The following SNX11 variants were observed in gnomAD, a reference collection of about 807,000 sequenced individuals.
SNX11 encodes sorting nexin-11.
In SNX11, 19 loss-of-function variants were observed where a neutral mutation model predicts 30.7. That is an observed-to-expected ratio of 0.62 (90% CI 0.43 to 0.91). The LOEUF (loss-of-function observed/expected upper bound fraction) is 0.91. Ranked by LOEUF, SNX11 falls within the 40% of genes least tolerant of loss-of-function variation. The pLI, the probability that SNX11 is intolerant of heterozygous loss-of-function variation, is 0.00. For missense variants in SNX11, 302 were observed against 326.7 expected (o/e 0.92, Z 0.58); for synonymous variants, 112 against 119.0 (o/e 0.94, Z 0.38).
intron 1 of SNX11, among the ~76,000 whole-genome samples, chr17:48,109,919 G>C (rs1484653692): frequency 1.3e-5 from 2 of 152,108 alleles, no homozygotes; most frequent in Non-Finnish European, 1.5e-5. Context: ...GAGACCAAGG[G>C]TATGATGATC....
intron 1 of SNX11, among the ~76,000 whole-genome samples, chr17:48,109,584 T>TG (rs1434244367): frequency 1.2e-5 from 1 of 82,544 alleles, no homozygotes; most frequent in East Asian, 3.9e-4. Flanking sequence ...GTTTTTTGTG[T>TG]TTTTTTTTTT....
chr17:48,110,511 A>G (rs1023055542), intron 1 of SNX11, among the ~76,000 whole-genome samples: 11 of 152,218 alleles, frequency 7.2e-5, no homozygotes, highest in Admixed American at 7.2e-4. Flanking sequence ...TTCTTTTGAA[A>G]TGTTAGCCTT....
At chr17:48,112,242 G>A (rs1057442740) in intron 2 of SNX11, 157 bp downstream of exon 2, 14 of 760,384 alleles carry the variant, frequency 1.8e-5, no homozygotes, top group Middle Eastern at 3.2e-4. Context: ...GAAATCAACA[G>A]CAGAGGCATT....
chr17:48,109,808 T>C (rs1186078874), intron 1 of SNX11, among the ~76,000 whole-genome samples: 2 of 152,104 alleles, frequency 1.3e-5, no homozygotes, highest in Non-Finnish European at 2.9e-5. Flanking sequence ...TGGAGGTTTT[T>C]AAAAAGCCAG....
At chr17:48,117,684 A>C (rs149477782) in intron 4 of SNX11, among the ~76,000 whole-genome samples, 292 of 152,006 alleles carry the variant, frequency 1.9e-3, no homozygotes, top group Non-Finnish European at 3.5e-3. Flanking sequence ...GAACCATGGC[A>C]CCAAGCTGGG....
At chr17:48,118,005 G>A (rs555845296) in intron 4 of SNX11, among the ~76,000 whole-genome samples, 30 of 152,130 alleles carry the variant, frequency 2.0e-4, no homozygotes, top group Admixed American at 8.5e-4. Flanking sequence ...TGGGCAACCT[G>A]GAGAGAGCAG....
In SNX11 at chr17:48,122,379, T is replaced by C. The variant is rs1485860534; in HGVS notation, c.*871T>C. 1 of 153,496 alleles carries C rather than the reference T, an allele frequency of 6.5e-6. No homozygotes were observed. The highest frequency in any genetic ancestry group is 1.5e-5 in the Non-Finnish European group (1 of 68,144). The allele number at this position is 153,496 out of a possible 1,614,324, so 9.5% of individuals were successfully genotyped here. A position where few individuals can be genotyped will look rare whatever the true frequency, so the allele number is the denominator to read the frequency against. On this transcript the variant is annotated 3_prime_UTR_variant, in exon 7 of 7. Coordinates refer to ENST00000359238, the MANE Select transcript of SNX11 (RefSeq NM_013323.3). ...GGGCTTCCGCCACCAGCGTCTCTGC[T>C]GTGTTGCGCAGTGCAGTGGGGTGCA...
rs2063611139 is a variant in SNX11, at chr17:48,122,440, C to T, written c.*932C>T. 6.5e-6 allele frequency: 1 copy of T among 153,390 alleles called. No individual in the cohort carries two copies. The highest frequency in any genetic ancestry group is 1.5e-5 in the Non-Finnish European group (1 of 68,146). The allele number at this position is 153,390 out of a possible 1,614,324, so 9.5% of individuals were successfully genotyped here. ...TTCTGCCTGCCTGAAAGAGAGGGCT[C>T]TGGGGATGGAGATGAGAAACAACAC... On this transcript the variant is annotated 3_prime_UTR_variant, in exon 7 of 7. Transcript: ENST00000359238.
chr17:48,115,903 C>A (rs1598335265), intron 4 of SNX11, among the ~76,000 whole-genome samples: 1 of 149,732 alleles, frequency 6.7e-6, no homozygotes, highest in East Asian at 1.9e-4. Flanking sequence ...TATCCTCCAG[C>A]CTGGCCTGTT....
chr17:48,109,994 GCTCCACT>G (rs2063475458), intron 1 of SNX11, among the ~76,000 whole-genome samples: 1 of 12,824 alleles, frequency 7.8e-5, no homozygotes, highest in Non-Finnish European at 3.0e-4. Flanking sequence ...AGATGTATGA[GCTCCACT>G]GAGTGGATGA....
intron 1 of SNX11, 117 bp from the exon 2 acceptor site, chr17:48,111,914 G>C: frequency 1.3e-6 from 1 of 746,482 alleles, no homozygotes; most frequent in South Asian, 1.7e-5. Context: ...AGAACAAAAA[G>C]TGTTGCCTGG....
At chr17:48,110,281 G>A (rs2063478293) in intron 1 of SNX11, among the ~76,000 whole-genome samples, 1 of 152,178 alleles carries the variant, frequency 6.6e-6, no homozygotes, top group African/African-American at 2.4e-5. Flanking sequence ...GGTGGTGGCT[G>A]CATCAGATAA....
intron 4 of SNX11, among the ~76,000 whole-genome samples, chr17:48,115,573 G>A (rs1459784210): frequency 6.6e-6 from 1 of 152,132 alleles, no homozygotes; most frequent in Non-Finnish European, 1.5e-5. Context: ...TTATTTGACA[G>A]CTAGTGTTTC....
rs1418426122 is a variant in SNX11 at position 48,107,891 on chromosome 17, G to A, written c.-14+53G>A. On this transcript the variant is annotated intron_variant, in intron 1 of 6. Coordinates refer to ENST00000359238, the MANE Select transcript of SNX11 (RefSeq NM_013323.3). ...AGTGGGTGCTGCTCTCCTGTGAGGG[G>A]GCGTGGGCTTGAGCGTCAGTAGTGG... 3.3e-5 allele frequency: 5 copies of A among 152,732 alleles called. No individual in the cohort carries two copies. The East Asian group carries it at 5.8e-4, about 18-fold the overall frequency. The allele number at this position is 152,732 out of a possible 1,614,324, so 9.5% of individuals were successfully genotyped here. A position where few individuals can be genotyped will look rare whatever the true frequency, so the allele number is the denominator to read the frequency against.
At chr17:48,109,256 T>G (rs1303134847) in intron 1 of SNX11, among the ~76,000 whole-genome samples, 1 of 140,430 alleles carries the variant, frequency 7.1e-6, no homozygotes, top group African/African-American at 2.5e-5. Context: ...CAGTTACAAC[T>G]GAAACTTTCT....
In SNX11 at chr17:48,121,378, C is replaced by G; in HGVS notation, c.683C>G (p.Ser228Ter). The G allele has an allele frequency of 6.2e-7, 1 of 1,614,244 alleles. No homozygotes were observed. Among genetic ancestry groups the G allele is most frequent in the Non-Finnish European group, 8.5e-7 (1 of 1,180,050 alleles). ...LESPTLPPLS[S>*]PLCCDFGRPK... ...AGTCCCACTCTCCCACCCCTCTCCT[C>G]ACCATTATGCTGTGATTTTGGAAGA... is the stretch of plus-strand genomic sequence containing the variant. Residue 228 changes from serine to a stop codon, truncating the protein, a stop_gained, in exon 7 of 7, where the codon TCA becomes TGA. Transcript: ENST00000359238. LOFTEE classifies it low-confidence loss of function (END_TRUNC).
chr17:48,107,633 C>T (rs1271733349), upstream of SNX11: 1 of 152,310 alleles, frequency 6.6e-6, no homozygotes, highest in African/African-American at 2.4e-5. Flanking sequence ...AGTCCGGGGC[C>T]TTGGCCAGCG....
At chr17:48,117,644 G>A (rs561603580) in intron 4 of SNX11, among the ~76,000 whole-genome samples, 2 of 151,894 alleles carry the variant, frequency 1.3e-5, no homozygotes, top group African/African-American at 4.8e-5. Flanking sequence ...TGCCCACCTC[G>A]GCCTCCCAAA....
At chr17:48,108,537 G>A (rs2063458863) in intron 1 of SNX11, among the ~76,000 whole-genome samples, 1 of 152,164 alleles carries the variant, frequency 6.6e-6, no homozygotes, top group Non-Finnish European at 1.5e-5. Flanking sequence ...GAAAATAAAT[G>A]GTGAGACTAA....
Sources: gnomAD v4.1 joint callset for allele counts (sites outside exome capture counted in the v4.1 genomes callset) on GRCh38, gnomAD v4.1.1 for gene constraint, MANE v1.5 for transcripts, NCBI Gene and HGNC (gene_info 2026-07-23, HGNC 2026-07-21) for gene names.